Variants in TTC6 observed in about 807,000 individuals in gnomAD.
TTC6 encodes the protein tetratricopeptide repeat domain 6.
In TTC6, 172 loss-of-function variants were observed where a neutral mutation model predicts 210.4. The observed-to-expected ratio is 0.82, with a 90% confidence interval of 0.72 to 0.93. The LOEUF is 0.93. TTC6 is among the 40% of genes least tolerant of loss of function. TTC6 has a pLI of 0.00. For synonymous variants in TTC6, 804 were observed against 819.6 expected, an observed-to-expected ratio of 0.98 and a Z score of 0.32; for missense variants, 2,414 against 2,318.1, an observed-to-expected ratio of 1.04 and a Z score of -0.85.
At chr14:37,839,873 C>T (rs893943513) in intron 29 of TTC6, among the ~76,000 whole-genome samples, 33 of 152,104 alleles carry the variant, frequency 2.2e-4, no homozygotes, top group East Asian at 3.9e-4. Context: ...TATGGCTAGC[C>T]GGTTTTCCCA....
chr14:37,841,404 A>G (rs1257469179), intron 29 of TTC6, 41 bp from the exon 32 acceptor site: 1 of 1,523,742 alleles, frequency 6.6e-7, no homozygotes, highest in Admixed American at 2.1e-5. Context: ...CTGTATAGTA[A>G]GTTGCCAATT....
intron 4 of TTC6, among the ~76,000 whole-genome samples, chr14:37,700,312 A>T: frequency 6.6e-6 from 1 of 152,262 alleles, no homozygotes; most frequent in East Asian, 1.9e-4. Flanking sequence ...CAAAATAAGG[A>T]TAATTATACC....
chr14:37,626,954 G>T (rs1173183678), intron 1 of TTC6, among the ~76,000 whole-genome samples: 2 of 152,188 alleles, frequency 1.3e-5, no homozygotes, highest in Admixed American at 1.3e-4. Flanking sequence ...CAAATCTCAT[G>T]TTGAATTTTA....
chr14:37,615,142 T>G (rs781355382), intron 2 of TTC6, among the ~76,000 whole-genome samples: 9 of 152,224 alleles, frequency 5.9e-5, no homozygotes, highest in Admixed American at 1.3e-4. Flanking sequence ...CCATGGTCTT[T>G]GAATTATTGT....
intron 1 of TTC6, among the ~76,000 whole-genome samples, chr14:37,678,559 A>G (rs781394304): frequency 6.6e-6 from 1 of 152,028 alleles, no homozygotes; most frequent in African/African-American, 2.4e-5. Flanking sequence ...TCCTCCTCTC[A>G]TCTGATTTCT....
chr14:37,752,448 C>T (rs941886490), intron 13 of TTC6, among the ~76,000 whole-genome samples: 3 of 151,756 alleles, frequency 2.0e-5, no homozygotes, highest in Admixed American at 6.6e-5. Context: ...TTCATTTCCC[C>T]TATCCTGCAC....
intron 18 of TTC6, among the ~76,000 whole-genome samples, chr14:37,795,763 A>G (rs1478493245): frequency 6.6e-6 from 1 of 152,152 alleles, no homozygotes. Flanking sequence ...ACTGAATTGT[A>G]TACCATTTCT....
intron 14 of TTC6, among the ~76,000 whole-genome samples, chr14:37,771,405 A>C (rs1392963273): frequency 1.3e-5 from 2 of 152,288 alleles, no homozygotes; most frequent in South Asian, 2.1e-4. Flanking sequence ...GTGTTTTCCA[A>C]CTTGGTTCCA....
chr14:37,709,427 A>G (rs2095840879), intron 5 of TTC6, among the ~76,000 whole-genome samples: 1 of 152,140 alleles, frequency 6.6e-6, no homozygotes, highest in Non-Finnish European at 1.5e-5. Context: ...CCCCATCAGT[A>G]TGACAGTTTG....
At chr14:37,679,448 T>A (rs1428334880) in intron 1 of TTC6, among the ~76,000 whole-genome samples, 1 of 152,094 alleles carries the variant, frequency 6.6e-6, no homozygotes, top group Admixed American at 6.6e-5. Flanking sequence ...TTAGCTATGG[T>A]AAAAATGATA....
exon 1 of TTC6, chr14:37,622,261 C>T: frequency 3.9e-6 from 6 of 1,535,186 alleles, no homozygotes; most frequent in Non-Finnish European, 5.2e-6. Context: ...GCGCGCGTTT[C>T]CTGCGCCGCA....
chr14:37,700,603 C>T (rs983472822), intron 4 of TTC6, among the ~76,000 whole-genome samples: 2 of 151,518 alleles, frequency 1.3e-5, no homozygotes, highest in Non-Finnish European at 1.5e-5. Flanking sequence ...ATTAGCTGGG[C>T]GTGGTGGTAC....
chr14:37,694,155 G>A (rs2095809947), intron 3 of TTC6, among the ~76,000 whole-genome samples: 1 of 152,026 alleles, frequency 6.6e-6, no homozygotes, highest in African/African-American at 2.4e-5. Flanking sequence ...GATACAATCA[G>A]TAAAGTGAAG....
At chr14:37,814,189 G>A (rs1430574929) in intron 25 of TTC6, among the ~76,000 whole-genome samples, 1 of 152,160 alleles carries the variant, frequency 6.6e-6, no homozygotes, top group Non-Finnish European at 1.5e-5. Context: ...GCTCACCTCT[G>A]ATCTCATTGT....
chr14:37,765,766 G>A (rs545450395), intron 14 of TTC6, among the ~76,000 whole-genome samples: 42 of 151,894 alleles, frequency 2.8e-4, no homozygotes, highest in Non-Finnish European at 4.6e-4. Context: ...TCATTTACTC[G>A]GAAATGCTTT....
At chr14:37,633,275 T>C (rs1277483230) in intron 1 of TTC6, among the ~76,000 whole-genome samples, 1 of 152,224 alleles carries the variant, frequency 6.6e-6, no homozygotes, top group Non-Finnish European at 1.5e-5. Context: ...GGGAATCTCC[T>C]GGTCTGCATG....
chr14:37,648,175 A>G (rs2095705014), intron 1 of TTC6, among the ~76,000 whole-genome samples: 1 of 152,212 alleles, frequency 6.6e-6, no homozygotes, highest in African/African-American at 2.4e-5. Flanking sequence ...GTGTTTAATG[A>G]AAGTGGTGAT....
At chr14:37,626,012 C>T (rs1352472049) in intron 1 of TTC6, among the ~76,000 whole-genome samples, 2 of 152,158 alleles carry the variant, frequency 1.3e-5, no homozygotes, top group Non-Finnish European at 2.9e-5. Flanking sequence ...TTCAAGGCAT[C>T]CGTGGCTTCT....
chr14:37,717,635 A>G (rs897998259), intron 6 of TTC6, among the ~76,000 whole-genome samples: 2 of 152,184 alleles, frequency 1.3e-5, no homozygotes, highest in African/African-American at 4.8e-5. Context: ...TTTAAGGAAC[A>G]ATTAACAGCG....
Sources: allele counts gnomAD v4.1 joint callset (sites outside exome capture counted in the v4.1 genomes callset), GRCh38; gene constraint gnomAD v4.1.1; transcripts MANE v1.5; gene names NCBI Gene and HGNC (gene_info 2026-07-23, HGNC 2026-07-21).